STAM: variants seen among roughly 807,000 people sequenced by gnomAD.
The protein encoded by STAM is signal transducing adapter molecule 1.
Under a neutral mutation model 63.4 loss-of-function variants are expected in STAM, and 16 were observed. The ratio of observed to expected loss-of-function variants is 0.25; its 90% CI spans 0.17 to 0.38. The LOEUF (loss-of-function observed/expected upper bound fraction) is 0.38, where lower values mean the gene tolerates loss of function less well. STAM is among the 10% of genes least tolerant of loss of function. The pLI, the probability that STAM is intolerant of heterozygous loss-of-function variation, is 1.00. For missense variants in STAM, 636 were observed against 657.1 expected, an observed-to-expected ratio of 0.97 and a Z score of 0.35; for synonymous variants, 238 against 223.9, an observed-to-expected ratio of 1.06 and a Z score of -0.56.
chr10:17,704,082 CAGTT>C (rs1836143047), intron 9 of STAM, among the ~76,000 whole-genome samples: 1 of 152,174 alleles, frequency 6.6e-6, no homozygotes, highest in South Asian at 2.1e-4. Context: ...TCTCTGTTAG[CAGTT>C]GGTTGGTTGG....
chr10:17,687,488 CAAAAAACAAACCAAA>C (rs1835343325), intron 4 of STAM, among the ~76,000 whole-genome samples: 1 of 118,448 alleles, frequency 8.4e-6, no homozygotes, highest in Non-Finnish European at 1.8e-5. Flanking sequence ...GACTCTGTCT[CAAAAAACAAACCAAA>C]AAAAAAGAAA....
chr10:17,708,855 T>A lies in STAM; in HGVS notation c.1289T>A (p.Leu430His). The change falls in exon 13 of 14, where the codon CTT becomes CAT. Residue 430 changes from leucine (L) to histidine (H), a missense_variant. This residue lies in a region of STAM where 532 missense variants were observed against 536.9 expected (regional missense o/e 0.99). Transcript: ENST00000377524. Reference sequence around the variant, plus strand: ...ATGAGCCACCTCCAGAGCTACAGTCTTCCCCCGGAGCAGCTGTCTTCTCTC... The same window carrying A: ...ATGAGCCACCTCCAGAGCTACAGTCATCCCCCGGAGCAGCTGTCTTCTCTC... ...AQMSHLQSYS[L>H]PPEQLSSLSQ... 6.2e-7 allele frequency: 1 copy of A among 1,614,188 alleles called. No individual in the cohort carries two copies. The highest frequency in any genetic ancestry group is 1.7e-5 in the Admixed American group (1 of 60,020).
At chr10:17,675,797 G>GA (rs1834830076) in intron 2 of STAM, among the ~76,000 whole-genome samples, 1 of 149,594 alleles carries the variant, frequency 6.7e-6, no homozygotes, top group Admixed American at 6.8e-5. Context: ...GGTACCTATT[G>GA]AATTTTTTTT....
intron 1 of STAM, among the ~76,000 whole-genome samples, chr10:17,650,644 T>C (rs1017094735): frequency 2.7e-4 from 41 of 152,318 alleles, no homozygotes; most frequent in African/African-American, 9.6e-4. Context: ...AGATCACCAC[T>C]CTCTCAGATT....
At chr10:17,690,669 T>C (rs1835491915) in intron 5 of STAM, among the ~76,000 whole-genome samples, 1 of 152,230 alleles carries the variant, frequency 6.6e-6, no homozygotes, top group Non-Finnish European at 1.5e-5. Flanking sequence ...TGTTAGGGCA[T>C]ACTTAACAAA....
At chr10:17,706,999 A>C (rs1163532120) in intron 12 of STAM, among the ~76,000 whole-genome samples, 2 of 152,246 alleles carry the variant, frequency 1.3e-5, no homozygotes, top group African/African-American at 4.8e-5. Flanking sequence ...CCTGCTTTAC[A>C]TGAGAATGCA....
chr10:17,703,104 C>G (rs991036474), intron 9 of STAM, among the ~76,000 whole-genome samples: 11 of 151,144 alleles, frequency 7.3e-5, no homozygotes, highest in Admixed American at 4.6e-4. Flanking sequence ...TTCTTTGACA[C>G]TAAATAATTT....
intron 2 of STAM, among the ~76,000 whole-genome samples, chr10:17,660,867 T>C (rs1834139800): frequency 6.6e-6 from 1 of 152,242 alleles, no homozygotes; most frequent in African/African-American, 2.4e-5. Context: ...TTAGTTTATA[T>C]ACCTTTTAAC....
At chr10:17,667,981 T>C (rs1834465187) in intron 2 of STAM, among the ~76,000 whole-genome samples, 1 of 152,190 alleles carries the variant, frequency 6.6e-6, no homozygotes, top group African/African-American at 2.4e-5. Flanking sequence ...GAAGGTAGGA[T>C]CCTTTAAATT....
At chr10:17,683,630 A>AT (rs535076361) in intron 2 of STAM, among the ~76,000 whole-genome samples, 11 of 151,592 alleles carry the variant, frequency 7.3e-5, no homozygotes, top group African/African-American at 1.2e-4. Context: ...AATTTTACAT[A>AT]TTTTTTTGTC....
At chr10:17,649,336 G>A (rs1368350081) in intron 1 of STAM, among the ~76,000 whole-genome samples, 1 of 151,138 alleles carries the variant, frequency 6.6e-6, no homozygotes, top group Admixed American at 6.6e-5. Context: ...GGGAGGTCAA[G>A]GCTGCAGTGA....
Position 17,715,599 on chromosome 10 carries a change from C to A in STAM, c.*819C>A, listed in dbSNP as rs888709166. On this transcript the variant is annotated 3_prime_UTR_variant, in exon 14 of 14. Transcript: ENST00000377524. ...AGACAAAATTAAGTACGATCACATT[C>A]TTTATTTCTCATTTTAAAGAAATGA... 7 of 152,504 alleles carry A rather than the reference C, an allele frequency of 4.6e-5. No individual in the cohort carries two copies. Among genetic ancestry groups the A allele is most frequent in the African/African-American group, 1.7e-4 (7 of 41,410 alleles). 9.4% of individuals were successfully genotyped at this position (152,504 alleles called of 1,614,324 possible). A position where few individuals can be genotyped will look rare whatever the true frequency, so the allele number is the denominator to read the frequency against.
At chr10:17,689,056 A>G (rs1449843599) in intron 5 of STAM, among the ~76,000 whole-genome samples, 1 of 152,234 alleles carries the variant, frequency 6.6e-6, no homozygotes, top group Non-Finnish European at 1.5e-5. Context: ...ATATGGCTAA[A>G]TAGCTTAACT....
At chr10:17,674,445 C>A (rs1423012804) in intron 2 of STAM, among the ~76,000 whole-genome samples, 1 of 152,096 alleles carries the variant, frequency 6.6e-6, no homozygotes, top group Non-Finnish European at 1.5e-5. Context: ...GGGATGGATG[C>A]TTAGTATGGT....
intron 2 of STAM, among the ~76,000 whole-genome samples, chr10:17,665,363 C>G (rs1395295123): frequency 1.3e-5 from 2 of 152,128 alleles, no homozygotes; most frequent in Admixed American, 6.5e-5. Flanking sequence ...TGGACATTGA[C>G]AAGTCTAATT....
intron 4 of STAM, 139 bp downstream of exon 4, chr10:17,685,066 ATAT>A (rs377165018): frequency 6.3e-6 from 4 of 635,538 alleles, no homozygotes; most frequent in African/African-American, 3.7e-5. Flanking sequence ...ATATAAATAA[ATAT>A]TATGTTTTGT....
At chr10:17,699,383 A>G (rs1462553004) in intron 8 of STAM, among the ~76,000 whole-genome samples, 2 of 152,124 alleles carry the variant, frequency 1.3e-5, no homozygotes, top group Non-Finnish European at 2.9e-5. Flanking sequence ...GATTGACCAC[A>G]TTGATGCAAG....
At position 17,644,293 on chromosome 10, in the gene STAM, G is replaced by A; in HGVS notation, c.-47G>A. ...CATCCTACGTCGAGCTCTGACTCCC[G>A]TGCTGTCGAGAGGGAGTCCCCGGGG... On this transcript the variant is annotated 5_prime_UTR_variant, in exon 1 of 14. The change creates a new upstream start codon in the 5' untranslated region. Transcript: ENST00000377524. The A allele has an allele frequency of 6.2e-7, 1 of 1,604,626 alleles. No homozygotes were observed. The highest frequency in any genetic ancestry group is 1.1e-5 in the South Asian group (1 of 90,868).
intron 2 of STAM, among the ~76,000 whole-genome samples, chr10:17,668,244 G>A (rs949059057): frequency 7.2e-5 from 11 of 152,168 alleles, no homozygotes; most frequent in African/African-American, 2.4e-4. Context: ...GGGGACTGAC[G>A]TGATTGGAGC....
Sources: allele counts gnomAD v4.1 joint callset (sites outside exome capture counted in the v4.1 genomes callset), GRCh38; gene constraint gnomAD v4.1.1; regional missense constraint gnomAD v4.1.1; transcripts MANE v1.5; gene names NCBI Gene and HGNC (gene_info 2026-07-23, HGNC 2026-07-21).